STIL: variants seen among roughly 807,000 people sequenced by gnomAD.
STIL encodes SCL-interrupting locus protein.
In STIL, 55 loss-of-function variants were observed where a neutral mutation model predicts 110.1. The ratio of observed to expected loss-of-function variants is 0.50; its 90% confidence interval spans 0.40 to 0.63. The LOEUF (loss-of-function observed/expected upper bound fraction) is 0.63. STIL is among the 20% of genes least tolerant of loss of function. STIL has a pLI of 0.00. For missense variants in STIL, 1,358 were observed against 1,530.0 expected (o/e 0.89, Z 1.87); for synonymous variants, 481 against 530.0 (o/e 0.91, Z 1.27).
At chr1:47,289,397 A>T in intron 9 of STIL, 38 bp downstream of exon 9, 1 of 1,600,210 alleles carries the variant, frequency 6.2e-7, no homozygotes, top group Non-Finnish European at 8.6e-7. Flanking sequence ...GCAAAACCCT[A>T]AACAGTCACT....
chr1:47,266,794 G>A (rs1644667888), intron 14 of STIL, among the ~76,000 whole-genome samples: 2 of 152,018 alleles, frequency 1.3e-5, no homozygotes, highest in African/African-American at 2.4e-5. Context: ...AGTTCTCCAC[G>A]AAACAATTAG....
At chr1:47,311,317 T>C (rs749145761) in intron 1 of STIL, among the ~76,000 whole-genome samples, 11 of 150,460 alleles carry the variant, frequency 7.3e-5, no homozygotes, top group Non-Finnish European at 1.3e-4. Flanking sequence ...GGTCTCACTC[T>C]GTAGCCCAGG....
chr1:47,272,333 A>G (rs1238260662), intron 12 of STIL, 92 bp from the exon 13 acceptor site: 2 of 1,327,226 alleles, frequency 1.5e-6, no homozygotes, highest in African/African-American at 2.9e-5. Context: ...CGCCCTAATT[A>G]TAAGAAACTG....
intron 7 of STIL, among the ~76,000 whole-genome samples, chr1:47,295,487 C>T (rs1277076778): frequency 1.3e-5 from 2 of 151,834 alleles, no homozygotes; most frequent in Non-Finnish European, 2.9e-5. Context: ...GGCTGAAGCA[C>T]GAGAATCACT....
chr1:47,271,859 A>G (rs1029696110), intron 13 of STIL, among the ~76,000 whole-genome samples: 4 of 152,078 alleles, frequency 2.6e-5, no homozygotes, highest in African/African-American at 9.7e-5. Flanking sequence ...TCCAGCCTAG[A>G]AAAGTAGCAA....
intron 16 of STIL, among the ~76,000 whole-genome samples, chr1:47,256,859 T>C (rs1644345248): frequency 6.6e-6 from 1 of 151,854 alleles, no homozygotes. Context: ...CCGGGCATGG[T>C]GGCGCATGCC....
At chr1:47,285,442 C>A (rs146203323) in intron 10 of STIL, among the ~76,000 whole-genome samples, 14 of 152,086 alleles carry the variant, frequency 9.2e-5, no homozygotes, top group Non-Finnish European at 1.6e-4. Context: ...TCTGGAGAAC[C>A]CTAATACAAG....
intron 13 of STIL, among the ~76,000 whole-genome samples, chr1:47,271,439 G>A (rs959604993): frequency 2.0e-5 from 3 of 151,676 alleles, no homozygotes; most frequent in African/African-American, 7.3e-5. Context: ...AGGTGTGGTG[G>A]CAGGCGCTTG....
chr1:47,267,522 T>C (rs142727665), intron 14 of STIL, among the ~76,000 whole-genome samples: 13 of 152,042 alleles, frequency 8.6e-5, no homozygotes, highest in Non-Finnish European at 1.6e-4. Flanking sequence ...CTGGCTAACA[T>C]GGCAAAACCC....
intron 16 of STIL, among the ~76,000 whole-genome samples, chr1:47,258,991 G>GTTTTTTTTTT (rs1557704421): frequency 2.8e-5 from 1 of 36,226 alleles, no homozygotes; most frequent in African/African-American, 1.4e-4. Context: ...AAGTAACTTT[G>GTTTTTTTTTT]CTTTTTTTTT....
In STIL at chr1:47,281,187, A is replaced by G; in HGVS notation, c.1271T>C (p.Val424Ala). ...ATCCAACACAAGTGAAAGTTCAGGA[A>G]CTGATGGTTGGATCTTAGAAATCTA... ...SQKISKIQPSVPELSLVLDGN... is the reference protein window; with the variant it reads ...SQKISKIQPSAPELSLVLDGN... The change falls in exon 12 of 17, where the codon GTT becomes GCT. Residue 424 changes from valine to alanine, a missense_variant. By Grantham distance (64) the Val-to-Ala change is moderately conservative (BLOSUM62 0). Transcript: ENST00000371877. The G allele has an allele frequency of 6.2e-7, 1 of 1,613,238 alleles. No individual in the cohort carries two copies. Among genetic ancestry groups the G allele is most frequent in the Non-Finnish European group, 8.5e-7 (1 of 1,179,848 alleles).
intron 12 of STIL, among the ~76,000 whole-genome samples, chr1:47,277,099 A>G (rs1202229873): frequency 6.6e-6 from 1 of 152,166 alleles, no homozygotes; most frequent in Non-Finnish European, 1.5e-5. Flanking sequence ...CCTTCCCTGG[A>G]GCTTTCTATC....
chr1:47,257,956 G>A (rs1256929788), intron 16 of STIL, among the ~76,000 whole-genome samples: 1 of 152,172 alleles, frequency 6.6e-6, no homozygotes, highest in Non-Finnish European at 1.5e-5. Flanking sequence ...ATGTGTAGCT[G>A]GTAATAATAC....
intron 16 of STIL, among the ~76,000 whole-genome samples, chr1:47,258,769 C>G (rs1179349438): frequency 6.6e-6 from 1 of 151,968 alleles, no homozygotes; most frequent in Admixed American, 6.6e-5. Context: ...ACTCAAAAGG[C>G]TGAGATGGGA....
intron 1 of STIL, among the ~76,000 whole-genome samples, chr1:47,311,283 CTTTTTTTTTT>C (rs536667689): frequency 2.3e-5 from 3 of 132,232 alleles, no homozygotes; most frequent in African/African-American, 8.5e-5. Flanking sequence ...TTCTTTTTTT[CTTTTTTTTTT>C]TTTTTTGAAA....
Position 47,275,771 on chromosome 1 carries a change from C to T in STIL, c.2218-3530G>A, listed in dbSNP as rs1033293166. Among the ~76,000 whole-genome samples, 23 of 151,900 alleles carry T rather than the reference C, an allele frequency of 1.5e-4. 1 individual carries two copies. Among genetic ancestry groups the T allele is most frequent in the East Asian group, 3.9e-4 (2 of 5,152 alleles). ...TCCCAAGGAGCTGGGATTACAGGTG[C>T]GCAACACTATGGCCAGTTATTTCTT... On this transcript the variant is annotated intron_variant, in intron 12 of 16. Coordinates refer to ENST00000371877, the MANE Select transcript of STIL (RefSeq NM_001048166.1).
chr1:47,281,324 C>T (rs1348845954), intron 11 of STIL, 115 bp from the exon 12 acceptor site: 20 of 1,089,598 alleles, frequency 1.8e-5, no homozygotes, highest in African/African-American at 3.2e-5. Flanking sequence ...AACAAGTGTT[C>T]ATTCTTTATT....
intron 3 of STIL, among the ~76,000 whole-genome samples, chr1:47,302,745 A>G (rs1463590136): frequency 6.6e-6 from 1 of 152,232 alleles, no homozygotes; most frequent in Non-Finnish European, 1.5e-5. Context: ...GTCTGAAACC[A>G]CAGATAGTAA....
rs747263064 is a variant in STIL at position 47,272,110 on chromosome 1, G to C, written c.2349C>G (p.His783Gln). 4 of 1,614,098 alleles carry C rather than the reference G, an allele frequency of 2.5e-6. No individual in the cohort carries two copies. The highest frequency in any genetic ancestry group is 3.4e-6 in the Non-Finnish European group (4 of 1,179,994). The change falls in exon 13 of 17, where the codon CAC becomes CAG. Residue 783 changes from histidine (H) to glutamine (Q), a missense_variant. Coordinates refer to ENST00000371877, the MANE Select transcript of STIL (RefSeq NM_001048166.1). ...CAGCAATGCTTACACCTTTTCTCAT[G>C]TGCAAGCCAGGGGAAGACTGTGCTT... ...SVEAQSSPGL[H>Q]MRKGVSIAVS...
Sources: allele counts gnomAD v4.1 joint callset (sites outside exome capture counted in the v4.1 genomes callset), GRCh38; gene constraint gnomAD v4.1.1; transcripts MANE v1.5; gene names NCBI Gene and HGNC (gene_info 2026-07-23, HGNC 2026-07-21).